Variants in ADAP1 observed in about 807,000 individuals in gnomAD.
The protein encoded by ADAP1 is ArfGAP with dual PH domains 1.
Under a neutral mutation model 54.9 loss-of-function variants are expected in ADAP1, and 31 were observed. That is an observed-to-expected ratio of 0.56 (90% CI 0.42 to 0.76). The LOEUF (loss-of-function observed/expected upper bound fraction) is 0.76, where lower values mean the gene tolerates loss of function less well. ADAP1 is among the 30% of genes least tolerant of loss of function. The pLI is 0.00. For missense variants in ADAP1, 535 were observed against 512.4 expected (o/e 1.04, Z -0.42); for synonymous variants, 313 against 202.6 (o/e 1.55, Z -4.63).
At chr7:936,399 G>T (rs1846761810) in intron 1 of ADAP1, among the ~76,000 whole-genome samples, 1 of 152,162 alleles carries the variant, frequency 6.6e-6, no homozygotes, top group South Asian at 2.1e-4. Flanking sequence ...CATCATGTTG[G>T]CCAGGCTGGC....
At chr7:914,385 G>A (rs1005919425) in intron 4 of ADAP1, among the ~76,000 whole-genome samples, 22 of 152,358 alleles carry the variant, frequency 1.4e-4, no homozygotes, top group Admixed American at 1.4e-3. Context: ...GGCAAAGCCA[G>A]GGAGCAGGGC....
intron 4 of ADAP1, chr7:905,635 G>GAGAAAGGGAAAGGAGAAAGGA (rs370672323): frequency 6.8e-5 from 2 of 29,342 alleles, no homozygotes; most frequent in African/African-American, 3.0e-4. Flanking sequence ...AAGGAGAAAG[G>GAGAAAGGGAAAGGAGAAAGGA]GAAAGGAGAA....
At chr7:912,571 C>G (rs1230911083) in intron 4 of ADAP1, among the ~76,000 whole-genome samples, 1 of 152,230 alleles carries the variant, frequency 6.6e-6, no homozygotes, top group Non-Finnish European at 1.5e-5. Context: ...CGCACCGACA[C>G]CAAGGGCTTC....
At chr7:908,625 G>C (rs193059293) in intron 4 of ADAP1, among the ~76,000 whole-genome samples, 1 of 152,350 alleles carries the variant, frequency 6.6e-6, no homozygotes, top group Non-Finnish European at 1.5e-5. Context: ...TTGACTCAGT[G>C]AGCCCCTGCC....
At chr7:906,512 G>C (rs1845359108) in intron 4 of ADAP1, among the ~76,000 whole-genome samples, 4 of 55,466 alleles carry the variant, frequency 7.2e-5, no homozygotes, top group African/African-American at 2.2e-4. Context: ...AGGGAGAAAG[G>C]AGAAAGGAGA....
intron 1 of ADAP1, among the ~76,000 whole-genome samples, chr7:939,238 A>G (rs985813792): frequency 5.3e-5 from 8 of 152,032 alleles, no homozygotes; most frequent in Non-Finnish European, 1.0e-4. Flanking sequence ...TTGTTTTTTG[A>G]GACAGAGTTT....
At chr7:921,600 C>A (rs2128105425) in intron 3 of ADAP1, among the ~76,000 whole-genome samples, 1 of 152,356 alleles carries the variant, frequency 6.6e-6, no homozygotes, top group African/African-American at 2.4e-5. Flanking sequence ...CAGGTGTGAG[C>A]CTCGCGTCCG....
chr7:914,669 T>C (rs770068402), intron 4 of ADAP1, among the ~76,000 whole-genome samples: 1 of 152,070 alleles, frequency 6.6e-6, no homozygotes, highest in Non-Finnish European at 1.5e-5. Context: ...GGGTTCCAAA[T>C]AGCAGCGGGC....
chr7:920,943 G>A lies in ADAP1; in HGVS notation c.306-893C>T. The A allele has an allele frequency of 7.2e-7, 1 of 1,397,584 alleles. No individual in the cohort carries two copies. The highest frequency in any genetic ancestry group is 2.1e-5 in the Admixed American group (1 of 48,684). 86.6% of individuals were successfully genotyped at this position (1,397,584 alleles called of 1,614,324 possible). On this transcript the variant is annotated intron_variant, in intron 3 of 10. Coordinates refer to ENST00000265846, the MANE Select transcript of ADAP1 (RefSeq NM_006869.4). The surrounding 1 kb of genome is among the most constrained non-coding windows in gnomAD (Gnocchi z 4.5). ...GCTTCCTGCTGGGCCCACGTGAACAGCCTTGGAGACTGGGCGGGAATCCTC... is the reference window on the plus strand; with the variant it reads ...GCTTCCTGCTGGGCCCACGTGAACAACCTTGGAGACTGGGCGGGAATCCTC...
intron 1 of ADAP1, among the ~76,000 whole-genome samples, chr7:954,017 G>A (rs1219787598): frequency 1.3e-5 from 2 of 152,182 alleles, no homozygotes; most frequent in Non-Finnish European, 2.9e-5. Flanking sequence ...ACCTCCGGCT[G>A]GCGGCCCGTT....
chr7:904,890 C>T (rs374430113), intron 5 of ADAP1, among the ~76,000 whole-genome samples, 170 bp downstream of exon 5: 66 of 152,338 alleles, frequency 4.3e-4, no homozygotes, highest in East Asian at 2.3e-3. Flanking sequence ...ACGCTGGGTC[C>T]GGCACACAGA....
intron 6 of ADAP1, among the ~76,000 whole-genome samples, chr7:902,079 G>A (rs1417677317): frequency 1.3e-5 from 2 of 152,074 alleles, no homozygotes; most frequent in Admixed American, 6.5e-5. Context: ...CCAAGCGTCT[G>A]CCCTGGGCGG....
chr7:915,623 T>A (rs980495819), intron 4 of ADAP1, among the ~76,000 whole-genome samples: 1 of 152,112 alleles, frequency 6.6e-6, no homozygotes, highest in Non-Finnish European at 1.5e-5. Context: ...CTTTAGCTCA[T>A]CTCAAATGCT....
chr7:914,436 T>C (rs560930683), intron 4 of ADAP1, among the ~76,000 whole-genome samples: 5 of 151,830 alleles, frequency 3.3e-5, no homozygotes, highest in Non-Finnish European at 5.9e-5. Context: ...CTGGGAGGGG[T>C]TGGGAGGCCC....
At chr7:905,863 G>GA (rs1359201406) in intron 4 of ADAP1, among the ~76,000 whole-genome samples, 2 of 57,906 alleles carry the variant, frequency 3.5e-5, no homozygotes, top group Non-Finnish European at 8.6e-5. Context: ...GGAGAAGGGA[G>GA]AAGGGAGAAG....
intron 2 of ADAP1, among the ~76,000 whole-genome samples, chr7:929,343 C>T (rs183237535): frequency 4.5e-4 from 68 of 151,280 alleles, no homozygotes; most frequent in Non-Finnish European, 8.8e-4. Context: ...ACAACCCAGG[C>T]GATCCTTGGA....
chr7:920,941 C>T lies in ADAP1; in HGVS notation c.306-891G>A. The T allele has an allele frequency of 7.0e-7, 1 of 1,425,318 alleles. No individual in the cohort carries two copies. Among genetic ancestry groups the T allele is most frequent in the Non-Finnish European group, 9.6e-7 (1 of 1,039,264 alleles). The allele number at this position is 1,425,318 out of a possible 1,614,324, so 88.3% of individuals were successfully genotyped here. A position where few individuals can be genotyped will look rare whatever the true frequency, so the allele number is the denominator to read the frequency against. On this transcript the variant is annotated intron_variant, in intron 3 of 10. Transcript: ENST00000265846. The surrounding 1 kb of genome is among the most constrained non-coding windows in gnomAD (Gnocchi z 4.5). Reference sequence around the variant, plus strand: ...TGGCTTCCTGCTGGGCCCACGTGAACAGCCTTGGAGACTGGGCGGGAATCC... The same window carrying T: ...TGGCTTCCTGCTGGGCCCACGTGAATAGCCTTGGAGACTGGGCGGGAATCC...
intron 5 of ADAP1, among the ~76,000 whole-genome samples, chr7:904,771 G>C (rs1448542125): frequency 6.6e-6 from 1 of 152,234 alleles, no homozygotes; most frequent in South Asian, 2.1e-4. Flanking sequence ...GCTGGCTCCA[G>C]AGGGGCCCAG....
Position 904,064 on chromosome 7 carries a change from C to G in ADAP1, c.648+62G>C. 6.9e-6 allele frequency: 11 copies of G among 1,595,764 alleles called. No individual in the cohort carries two copies. In the South Asian group the frequency reaches 1.2e-4, roughly 18 times the overall value. ...CGTCCAAGCACCCACCTTCCTGCGC[C>G]ACCCGGGCCTGAGGGCCCACCCTCC... On this transcript the variant is annotated intron_variant, in intron 6 of 10. Coordinates refer to ENST00000265846, the MANE Select transcript of ADAP1 (RefSeq NM_006869.4).
Sources: gnomAD v4.1 joint callset for allele counts (sites outside exome capture counted in the v4.1 genomes callset) on GRCh38, gnomAD v4.1.1 for gene constraint, Gnocchi (gnomAD v3.1) non-coding constraint, MANE v1.5 for transcripts, NCBI Gene and HGNC (gene_info 2026-07-23, HGNC 2026-07-21) for gene names.